RB1: variants seen among roughly 807,000 people sequenced by gnomAD.
RB1 encodes the protein RB transcriptional corepressor 1.
A neutral mutation model predicts 135.4 loss-of-function variants in RB1; 18 were observed. That is an observed-to-expected ratio of 0.13 (90% CI 0.09 to 0.20). The LOEUF (loss-of-function observed/expected upper bound fraction) is 0.20. RB1 is among the 10% of genes least tolerant of loss of function. RB1 has a pLI of 1.00. For missense variants in RB1, 868 were observed against 1,110.0 expected (o/e 0.78, Z 3.10); for synonymous variants, 365 against 373.2 (o/e 0.98, Z 0.25).
At chr13:48,435,272 A>G (rs924511837) in intron 17 of RB1, among the ~76,000 whole-genome samples, 2 of 152,148 alleles carry the variant, frequency 1.3e-5, no homozygotes, top group African/African-American at 4.8e-5. Flanking sequence ...TAGTGTAAGG[A>G]TATCTCAGTG....
At chr13:48,327,114 T>C (rs965906607) in intron 2 of RB1, among the ~76,000 whole-genome samples, 8 of 152,134 alleles carry the variant, frequency 5.3e-5, no homozygotes, top group African/African-American at 1.9e-4. Flanking sequence ...CACAAGTTAG[T>C]AATTTAAATC....
chr13:48,433,002 C>T (rs1199597864), intron 17 of RB1, among the ~76,000 whole-genome samples: 1 of 152,022 alleles, frequency 6.6e-6, no homozygotes, highest in African/African-American at 2.4e-5. Context: ...ACTGCTCTTT[C>T]TTTTTATGTG....
chr13:48,310,073 G>A (rs1342362091), intron 2 of RB1, among the ~76,000 whole-genome samples: 2 of 152,152 alleles, frequency 1.3e-5, no homozygotes, highest in Non-Finnish European at 2.9e-5. Context: ...TGAAGGGTAT[G>A]ATGGAAGATG....
At chr13:48,456,849 G>C (rs1014725763) in intron 19 of RB1, among the ~76,000 whole-genome samples, 5 of 152,246 alleles carry the variant, frequency 3.3e-5, no homozygotes, top group African/African-American at 1.2e-4. Flanking sequence ...TCCACAGCTG[G>C]CACTGGGGAA....
chr13:48,321,262 T>C (rs1190291972), intron 2 of RB1, among the ~76,000 whole-genome samples: 3 of 151,854 alleles, frequency 2.0e-5, no homozygotes, highest in Non-Finnish European at 4.4e-5. Context: ...CCCTTTTTGA[T>C]ATTCCACATA....
intron 17 of RB1, among the ~76,000 whole-genome samples, chr13:48,442,966 T>C (rs1462909931): frequency 2.0e-5 from 3 of 152,178 alleles, no homozygotes; most frequent in Non-Finnish European, 4.4e-5. Flanking sequence ...CAAATTGATA[T>C]ATCTCTCATT....
intron 20 of RB1, 61 bp downstream of exon 20, chr13:48,459,894 T>TTCCTTCCTTCCTTCCTTCCTTCCTTCC (rs1566235606): frequency 2.3e-6 from 1 of 441,226 alleles, no homozygotes; most frequent in African/African-American, 5.5e-5. Flanking sequence ...TGATTCTTTC[T>TTCCTTCCTTCCTTCCTTCCTTCCTTCC]TTCTTTCTTT....
chr13:48,422,450 C>T (rs750279366), intron 17 of RB1, among the ~76,000 whole-genome samples: 5 of 152,106 alleles, frequency 3.3e-5, no homozygotes, highest in Non-Finnish European at 5.9e-5. Context: ...ACCACCATGG[C>T]ACGTGTATAC....
At position 48,444,659 on chromosome 13, in the gene RB1, C is replaced by T. The variant is rs1949271139; in HGVS notation, c.1696-8334C>T. The T allele has an allele frequency of 1.3e-5, 2 of 152,302 alleles. 1 individual carries two copies. Among genetic ancestry groups the T allele is most frequent in the Non-Finnish European group, 2.9e-5 (2 of 68,142 alleles). The allele number at this position is 152,302 out of a possible 1,614,324, so 9.4% of individuals were successfully genotyped here. Reference sequence around the variant, plus strand: ...CCATGCCCTCTGGGGGCCACACCCTCCAGAAACCTCCATGTGTTCAGCTAT... The same window carrying T: ...CCATGCCCTCTGGGGGCCACACCCTTCAGAAACCTCCATGTGTTCAGCTAT... On this transcript the variant is annotated intron_variant, in intron 17 of 26. Transcript: ENST00000267163.
chr13:48,430,761 CAAACA>C (rs1486952407), intron 17 of RB1, among the ~76,000 whole-genome samples: 3 of 31,924 alleles, frequency 9.4e-5, no homozygotes, highest in African/African-American at 1.2e-4. Context: ...AACAAACAAA[CAAACA>C]AAAAAAAAAA....
At position 48,318,393 on chromosome 13, in the gene RB1, T is replaced by C. The variant is rs181459318; in HGVS notation, c.264+10987T>C. On this transcript the variant is annotated intron_variant, in intron 2 of 26. Coordinates refer to ENST00000267163, the MANE Select transcript of RB1 (RefSeq NM_000321.3). Reference sequence around the variant, plus strand: ...GAGCTTTCGCTTGGACCTTAAGTCCTTGATGGCCGTGTCCAGGTCCTCGTC... The same window carrying C: ...GAGCTTTCGCTTGGACCTTAAGTCCCTGATGGCCGTGTCCAGGTCCTCGTC... 2.7e-4 allele frequency: 404 copies of C among 1,499,744 alleles called. 4 individuals carry two copies. In the African/African-American group the frequency reaches 5.3e-3, roughly 20 times the overall value. The allele number at this position is 1,499,744 out of a possible 1,614,324, so 92.9% of individuals were successfully genotyped here.
chr13:48,402,881 T>C (rs915703868), intron 17 of RB1, among the ~76,000 whole-genome samples: 10 of 152,154 alleles, frequency 6.6e-5, no homozygotes, highest in Non-Finnish European at 1.5e-4. Context: ...CTATATGACA[T>C]ATAAATCAAA....
At chr13:48,450,775 A>G (rs1473551439) in intron 17 of RB1, among the ~76,000 whole-genome samples, 1 of 152,158 alleles carries the variant, frequency 6.6e-6, no homozygotes, top group Non-Finnish European at 1.5e-5. Context: ...TTTGGGCTGT[A>G]TGGTCAGTCT....
intron 2 of RB1, among the ~76,000 whole-genome samples, chr13:48,310,609 T>C (rs965876818): frequency 6.6e-6 from 1 of 152,160 alleles, no homozygotes; most frequent in Non-Finnish European, 1.5e-5. Context: ...ATAATTTTAC[T>C]TAAGAAATAC....
intron 2 of RB1, chr13:48,320,574 C>T (rs370458887): frequency 7.0e-6 from 3 of 428,000 alleles, no homozygotes; most frequent in East Asian, 5.0e-5. Flanking sequence ...GGCTCAAGCC[C>T]GTAATCACAG....
chr13:48,425,549 T>A (rs984466754), intron 17 of RB1, among the ~76,000 whole-genome samples: 1 of 152,198 alleles, frequency 6.6e-6, no homozygotes, highest in Non-Finnish European at 1.5e-5. Context: ...AGGTGTTAAG[T>A]GACTTGGATT....
At chr13:48,414,719 T>C (rs1948878116) in intron 17 of RB1, among the ~76,000 whole-genome samples, 1 of 152,216 alleles carries the variant, frequency 6.6e-6, no homozygotes, top group Non-Finnish European at 1.5e-5. Flanking sequence ...TTTTTGTCAT[T>C]TGTTGATGAA....
chr13:48,349,076 T>C, intron 6 of RB1, 53 bp downstream of exon 6: 1 of 1,535,944 alleles, frequency 6.5e-7, no homozygotes, highest in South Asian at 1.2e-5. Context: ...ATAATTAAAT[T>C]GGCATTCCTT....
chr13:48,393,656 C>G (rs1864916246), intron 17 of RB1, among the ~76,000 whole-genome samples: 1 of 152,102 alleles, frequency 6.6e-6, no homozygotes, highest in South Asian at 2.1e-4. Context: ...TTTAGGGTAT[C>G]ATTTCCGCTT....
Sources: allele counts gnomAD v4.1 joint callset (sites outside exome capture counted in the v4.1 genomes callset), GRCh38; gene constraint gnomAD v4.1.1; transcripts MANE v1.5; gene names NCBI Gene and HGNC (gene_info 2026-07-23, HGNC 2026-07-21).